TEX2: variants seen among roughly 807,000 people sequenced by gnomAD.
TEX2 encodes the protein testis expressed 2.
TEX2 carries 53 observed loss-of-function variants against 106.9 expected under a neutral mutation model. That is an observed-to-expected ratio of 0.50 (90% CI 0.40 to 0.62). The LOEUF (loss-of-function observed/expected upper bound fraction) is 0.62, where lower values mean the gene tolerates loss of function less well. TEX2 is among the 20% of genes least tolerant of loss of function. The pLI, the probability that TEX2 is intolerant of heterozygous loss-of-function variation, is 0.00. For missense variants in TEX2, 1,207 were observed against 1,379.0 expected, an observed-to-expected ratio of 0.88 and a Z score of 1.98; for synonymous variants, 523 against 534.8, an observed-to-expected ratio of 0.98 and a Z score of 0.30.
In TEX2 at chr17:64,217,982, G is replaced by A. The variant is rs1465552240; in HGVS notation, c.-25-3740C>T. On this transcript the variant is annotated intron_variant, in intron 1 of 11. Transcript: ENST00000584379. This position sits in a 1 kb window ranked among gnomAD's most constrained non-coding sequence, Gnocchi z 4.3. Reference sequence around the variant, plus strand: ...CCCAGAATGGATGAGGGTGGCAGAGGCAACATGGAAAAACAGGTCTGGAGT... The same window carrying A: ...CCCAGAATGGATGAGGGTGGCAGAGACAACATGGAAAAACAGGTCTGGAGT... Among the ~76,000 whole-genome samples, 2 of 152,174 alleles carry A rather than the reference G, an allele frequency of 1.3e-5. No homozygotes were observed. The highest frequency in any genetic ancestry group is 2.9e-5 in the Non-Finnish European group (2 of 68,038).
intron 1 of TEX2, among the ~76,000 whole-genome samples, chr17:64,224,000 T>C (rs1268660768): frequency 1.3e-5 from 2 of 152,224 alleles, no homozygotes; most frequent in African/African-American, 4.8e-5. Flanking sequence ...CTCGGGACCA[T>C]CCCTAATCCT....
chr17:64,232,488 T>A (rs1260652257), intron 1 of TEX2, among the ~76,000 whole-genome samples: 2 of 152,342 alleles, frequency 1.3e-5, no homozygotes, highest in East Asian at 3.9e-4. Flanking sequence ...AATGACATTA[T>A]AAAAATCAAG....
At chr17:64,234,763 T>C (rs1310582853) in intron 1 of TEX2, among the ~76,000 whole-genome samples, 2 of 152,226 alleles carry the variant, frequency 1.3e-5, no homozygotes, top group Non-Finnish European at 1.5e-5. Flanking sequence ...TCCCCATGGA[T>C]CTTTATGATG....
chr17:64,254,103 TAGAG>T (rs1555637373), intron 1 of TEX2, among the ~76,000 whole-genome samples: 1 of 152,152 alleles, frequency 6.6e-6, no homozygotes, highest in East Asian at 1.9e-4. Context: ...CTCTACCTCT[TAGAG>T]ACATTCCGCA....
At chr17:64,186,836 A>G (rs1180352179) in intron 5 of TEX2, among the ~76,000 whole-genome samples, 3 of 151,596 alleles carry the variant, frequency 2.0e-5, no homozygotes, top group African/African-American at 7.3e-5. Context: ...AAAAAAAAAG[A>G]GGTCAAACAC....
chr17:64,192,044 C>A (rs567366614), intron 4 of TEX2, among the ~76,000 whole-genome samples: 5 of 152,320 alleles, frequency 3.3e-5, no homozygotes, highest in South Asian at 2.1e-4. Flanking sequence ...ACTGGCCACA[C>A]TTCAAGTGTT....
chr17:64,171,352 A>C (rs1375733543), intron 6 of TEX2, among the ~76,000 whole-genome samples, 153 bp from the exon 7 acceptor site: 1 of 152,172 alleles, frequency 6.6e-6, no homozygotes, highest in Non-Finnish European at 1.5e-5. Context: ...ATCATGTACT[A>C]GGCTTCGTAC....
intron 2 of TEX2, among the ~76,000 whole-genome samples, chr17:64,199,529 G>A (rs532992332): frequency 9.9e-5 from 15 of 152,146 alleles, no homozygotes; most frequent in Admixed American, 1.3e-4. Context: ...GAGCCACTGC[G>A]CCTTGCTGAA....
intron 1 of TEX2, among the ~76,000 whole-genome samples, chr17:64,252,500 G>T (rs2034111006): frequency 6.6e-6 from 1 of 151,990 alleles, no homozygotes; most frequent in South Asian, 2.1e-4. Context: ...AGAATTTAAA[G>T]ATGGGGAGGT....
In TEX2 at chr17:64,259,156, T is replaced by C. The variant is rs116998824; in HGVS notation, c.-26+4012A>G. Among the ~76,000 whole-genome samples the C allele has an allele frequency of 1.8e-3, 272 of 152,324 alleles. 6 individuals carry two copies. The East Asian group carries it at 0.037, about 21-fold the overall frequency. ...TGATCCACGCAGCCATTGGGAAATA[T>C]GTTTCTAATGGTGAAGCAGGGATGA... On this transcript the variant is annotated intron_variant, in intron 1 of 11. Coordinates refer to ENST00000584379, the MANE Select transcript of TEX2 (RefSeq NM_001288732.2).
chr17:64,184,812 T>C (rs919780514), intron 5 of TEX2, among the ~76,000 whole-genome samples: 29 of 152,350 alleles, frequency 1.9e-4, no homozygotes, highest in African/African-American at 6.5e-4. Context: ...AGATATCCAG[T>C]TGTTCCCGCA....
chr17:64,206,519 G>C, intron 2 of TEX2, among the ~76,000 whole-genome samples: 1 of 142,732 alleles, frequency 7.0e-6, no homozygotes, highest in East Asian at 2.1e-4. Flanking sequence ...TGTGGACTTT[G>C]TGACAGCTCT....
At chr17:64,197,126 G>T (rs11654588) in intron 2 of TEX2, among the ~76,000 whole-genome samples, 1 of 151,210 alleles carries the variant, frequency 6.6e-6, no homozygotes, top group Admixed American at 6.6e-5. Context: ...ATGAGCCTCA[G>T]AAAATGCAGG....
At chr17:64,191,812 C>A (rs1434459267) in intron 4 of TEX2, among the ~76,000 whole-genome samples, 4 of 58,164 alleles carry the variant, frequency 6.9e-5, no homozygotes, top group East Asian at 4.5e-4. Context: ...AGCTAGACTC[C>A]ATCTCAAAAA....
rs539871692 is a variant in TEX2 at position 64,155,095 on chromosome 17, G to A, written c.2805-128C>T. 255 of 1,188,442 alleles carry A rather than the reference G, an allele frequency of 2.1e-4. No individual in the cohort carries two copies. The African/African-American group carries it at 3.5e-3, about 16-fold the overall frequency. The allele number at this position is 1,188,442 out of a possible 1,614,324, so 73.6% of individuals were successfully genotyped here. ...GGGATGTAACTGTTAACTACATCTC[G>A]TCATTCTCTCCAACCCACCCAAACC... On this transcript the variant is annotated intron_variant, in intron 8 of 11. Coordinates refer to ENST00000584379, the MANE Select transcript of TEX2 (RefSeq NM_001288732.2).
At position 64,188,588 on chromosome 17, in the gene TEX2, G is replaced by A. The variant is rs546517495; in HGVS notation, c.2177-173C>T. 129 of 1,004,768 alleles carry A rather than the reference G, an allele frequency of 1.3e-4. 2 individuals carry two copies. The South Asian group carries it at 1.4e-3, about 11-fold the overall frequency. The allele number at this position is 1,004,768 out of a possible 1,614,324, so 62.2% of individuals were successfully genotyped here. A position where few individuals can be genotyped will look rare whatever the true frequency, so the allele number is the denominator to read the frequency against. On this transcript the variant is annotated intron_variant, in intron 4 of 11. Transcript: ENST00000584379. Reference sequence around the variant, plus strand: ...TCCCAGCACTTTGAGAGGCCGAGGCGGGCGGATCACGAGGTCAGGAGATCG... The same window carrying A: ...TCCCAGCACTTTGAGAGGCCGAGGCAGGCGGATCACGAGGTCAGGAGATCG...
At position 64,205,303 on chromosome 17, in the gene TEX2, C is replaced by A. The variant is rs994648074; in HGVS notation, c.1644+7271G>T. ...CTGCACTCTAGCCTGAGCGACAGAG[C>A]GAGGCAAAACAAACAAACATACAAA... is the stretch of plus-strand genomic sequence containing the variant. On this transcript the variant is annotated intron_variant, in intron 2 of 11. Transcript: ENST00000584379. This position sits in a 1 kb window ranked among gnomAD's most constrained non-coding sequence, Gnocchi z 4.0. Among the ~76,000 whole-genome samples, 1 of 152,108 alleles carries A rather than the reference C, an allele frequency of 6.6e-6. No individual in the cohort carries two copies. The highest frequency in any genetic ancestry group is 2.4e-5 in the African/African-American group (1 of 41,400).
intron 1 of TEX2, chr17:64,230,486 A>G (rs1475254268): frequency 1.3e-5 from 2 of 152,298 alleles, no homozygotes; most frequent in African/African-American, 4.8e-5. Context: ...CTGAGGGGGA[A>G]CATTCCCCAC....
rs370407276 is a variant in TEX2 at position 64,213,130 on chromosome 17, T to C, written c.1088A>G (p.Asn363Ser). Residue 363 changes from asparagine to serine, a missense_variant, in exon 2 of 12, where the codon AAC (asparagine) becomes AGC (serine). Coordinates refer to ENST00000584379, the MANE Select transcript of TEX2 (RefSeq NM_001288732.2). The surrounding 1 kb of genome is among the most constrained non-coding windows in gnomAD (Gnocchi z 4.4). ...CTTTGGGTGGTCACTTCTGGGGATG[T>C]TGGAATCACTTCCGTAGCCATCCCC... ...SEGDGYGSDS[N>S]IPRSDHPKST... 34 of 1,614,086 alleles carry C rather than the reference T, an allele frequency of 2.1e-5. No individual in the cohort carries two copies. The highest frequency in any genetic ancestry group is 1.6e-4 in the Middle Eastern group (1 of 6,084).
Sources: allele counts gnomAD v4.1 joint callset (sites outside exome capture counted in the v4.1 genomes callset), GRCh38; gene constraint gnomAD v4.1.1; non-coding constraint Gnocchi (gnomAD v3.1); transcripts MANE v1.5; gene names NCBI Gene and HGNC (gene_info 2026-07-23, HGNC 2026-07-21).